Variants in KALRN observed in about 807,000 individuals in gnomAD.
The protein encoded by KALRN is kalirin.
In KALRN, 70 loss-of-function variants were observed where a neutral mutation model predicts 353.7. The ratio of observed to expected loss-of-function variants is 0.20; its 90% CI spans 0.16 to 0.24. The LOEUF (loss-of-function observed/expected upper bound fraction) is 0.24, where lower values mean the gene tolerates loss of function less well. Ranked by LOEUF, KALRN falls within the 10% of genes least tolerant of loss-of-function variation. KALRN has a pLI of 1.00. For missense variants in KALRN, 2,791 were observed against 3,756.7 expected (o/e 0.74, Z 6.72); for synonymous variants, 1,391 against 1,434.8 (o/e 0.97, Z 0.69).
At chr3:124,299,922 A>G (rs1320037971) in intron 6 of KALRN, among the ~76,000 whole-genome samples, 4 of 152,160 alleles carry the variant, frequency 2.6e-5, no homozygotes, top group African/African-American at 9.7e-5. Flanking sequence ...CAGAATGCCT[A>G]TCTCCTCCAC....
chr3:124,647,278 T>C (rs2082881373), intron 37 of KALRN, among the ~76,000 whole-genome samples: 1 of 152,118 alleles, frequency 6.6e-6, no homozygotes, highest in Admixed American at 6.5e-5. Flanking sequence ...TCCAGGATTC[T>C]GTTTTCACTC....
chr3:124,104,509 G>A (rs2332741), intron 1 of KALRN, among the ~76,000 whole-genome samples: 3 of 151,818 alleles, frequency 2.0e-5, no homozygotes, highest in African/African-American at 7.3e-5. Flanking sequence ...GCATCTGTGT[G>A]ATAAGAGTTA....
chr3:124,278,754 C>T (rs1479226499), intron 5 of KALRN, among the ~76,000 whole-genome samples: 1 of 152,288 alleles, frequency 6.6e-6, no homozygotes, highest in Non-Finnish European at 1.5e-5. Flanking sequence ...CCTGTCCTCT[C>T]CTTCCAAGGT....
intron 1 of KALRN, among the ~76,000 whole-genome samples, chr3:124,071,189 C>G (rs1412655460): frequency 6.6e-6 from 1 of 152,102 alleles, no homozygotes; most frequent in Non-Finnish European, 1.5e-5. Context: ...GTGATTTGAA[C>G]CCAGTCAGAT....
At chr3:124,309,676 A>C (rs777729800) in intron 6 of KALRN, among the ~76,000 whole-genome samples, 2 of 152,186 alleles carry the variant, frequency 1.3e-5, no homozygotes, top group Admixed American at 6.5e-5. Context: ...GGAAAAAAAA[A>C]ACAAAAATCA....
chr3:124,327,447 A>C (rs951899036), intron 7 of KALRN, among the ~76,000 whole-genome samples: 6 of 152,204 alleles, frequency 3.9e-5, no homozygotes, highest in Admixed American at 2.6e-4. Context: ...GGTCAAAAGC[A>C]TCCTGTGAGA....
intron 33 of KALRN, among the ~76,000 whole-genome samples, chr3:124,518,067 G>T (rs2066818162): frequency 6.6e-6 from 1 of 152,154 alleles, no homozygotes. Context: ...CTGCAGGACT[G>T]GTCTACAGGC....
chr3:124,359,969 A>G (rs1035859643), intron 10 of KALRN, among the ~76,000 whole-genome samples: 1 of 152,226 alleles, frequency 6.6e-6, no homozygotes, highest in Non-Finnish European at 1.5e-5. Context: ...AAACATCATC[A>G]AGCGTTAAGT....
intron 59 of KALRN, among the ~76,000 whole-genome samples, chr3:124,718,151 T>A (rs2877823): frequency 9.2e-5 from 13 of 141,874 alleles, no homozygotes; most frequent in African/African-American, 2.1e-4. Context: ...AGATGGAGTC[T>A]CGCTCTGTCA....
At chr3:124,602,913 T>G (rs1398917226) in intron 34 of KALRN, among the ~76,000 whole-genome samples, 1 of 151,796 alleles carries the variant, frequency 6.6e-6, no homozygotes, top group Non-Finnish European at 1.5e-5. Context: ...CTTACTCTGC[T>G]GGCCCCAGTT....
chr3:124,150,502 A>G (rs2067952271), intron 1 of KALRN, among the ~76,000 whole-genome samples: 1 of 152,180 alleles, frequency 6.6e-6, no homozygotes, highest in Admixed American at 6.5e-5. Flanking sequence ...CGTCATTTAC[A>G]TTAGGTATAT....
chr3:124,595,590 G>A (rs2076195095), intron 34 of KALRN, among the ~76,000 whole-genome samples: 1 of 152,098 alleles, frequency 6.6e-6, no homozygotes, highest in Admixed American at 6.5e-5. Flanking sequence ...GGATGTCCTA[G>A]TACACATCCA....
intron 21 of KALRN, among the ~76,000 whole-genome samples, chr3:124,451,679 A>G (rs1401810528): frequency 1.3e-5 from 2 of 152,202 alleles, no homozygotes; most frequent in Admixed American, 1.3e-4. Context: ...TGAACCTCCC[A>G]GAAACCCAGA....
At chr3:124,511,979 C>A (rs1285425002) in intron 33 of KALRN, among the ~76,000 whole-genome samples, 1 of 152,202 alleles carries the variant, frequency 6.6e-6, no homozygotes, top group Non-Finnish European at 1.5e-5. Flanking sequence ...TGAACACAGG[C>A]TTATGATTGC....
chr3:124,644,103 C>T lies in KALRN; in HGVS notation c.5665-6705C>T, dbSNP rs960640915. Among the ~76,000 whole-genome samples the T allele has an allele frequency of 2.6e-5, 4 of 152,102 alleles. No homozygotes were observed. In the East Asian group the frequency reaches 5.8e-4, roughly 22 times the overall value. On this transcript the variant is annotated intron_variant, in intron 37 of 59. Transcript: ENST00000682506. ...TGCTACAGATTTGCTACTTTGTATC[C>T]TTTGACCTACATGTCCCGGTTTCCT...
intron 33 of KALRN, among the ~76,000 whole-genome samples, chr3:124,513,251 A>T (rs1411534091): frequency 6.6e-6 from 1 of 152,162 alleles, no homozygotes; most frequent in Non-Finnish European, 1.5e-5. Flanking sequence ...CAGTCTAGAG[A>T]CCTGTGGAAA....
chr3:124,351,810 T>C (rs2082863836), intron 10 of KALRN, among the ~76,000 whole-genome samples: 1 of 152,210 alleles, frequency 6.6e-6, no homozygotes, highest in Non-Finnish European at 1.5e-5. Context: ...TGAACAAATT[T>C]TAAACAAATT....
chr3:124,371,837 G>T (rs546577752), intron 10 of KALRN, among the ~76,000 whole-genome samples: 1 of 152,230 alleles, frequency 6.6e-6, no homozygotes, highest in East Asian at 1.9e-4. Flanking sequence ...ATACAATAAA[G>T]TTATTACTGA....
intron 36 of KALRN, among the ~76,000 whole-genome samples, chr3:124,634,193 G>A (rs1281849083): frequency 6.6e-6 from 1 of 152,144 alleles, no homozygotes; most frequent in Non-Finnish European, 1.5e-5. Flanking sequence ...AATCTGCCTG[G>A]TGTCTTGTCC....
Sources: gnomAD v4.1 joint callset for allele counts (sites outside exome capture counted in the v4.1 genomes callset) on GRCh38, gnomAD v4.1.1 for gene constraint, MANE v1.5 for transcripts, NCBI Gene and HGNC (gene_info 2026-07-23, HGNC 2026-07-21) for gene names.